The following FAM168A variants were observed in gnomAD, a reference collection of about 807,000 sequenced individuals.
The protein encoded by FAM168A is family with sequence similarity 168 member A, also known as protein FAM168A.
In FAM168A, 3 loss-of-function variants were observed where a neutral mutation model predicts 28.5. The observed-to-expected ratio is 0.11, with a 90% confidence interval of 0.05 to 0.27. FAM168A has a LOEUF of 0.27. Among genes scored for constraint, FAM168A ranks in the 10% least tolerant of loss-of-function variants. FAM168A has a pLI of 1.00. For missense variants in FAM168A, 222 were observed against 311.5 expected (o/e 0.71, Z 2.16); for synonymous variants, 122 against 124.2 (o/e 0.98, Z 0.12).
intron 1 of FAM168A, among the ~76,000 whole-genome samples, chr11:73,585,990 T>C (rs1944309872): frequency 6.6e-6 from 1 of 152,062 alleles, no homozygotes; most frequent in African/African-American, 2.4e-5. Flanking sequence ...ACATGCACAT[T>C]AGCTCAGAGT....
chr11:73,409,420 G>C, intron 6 of FAM168A, 67 bp downstream of exon 6: 4 of 1,593,254 alleles, frequency 2.5e-6, no homozygotes, highest in East Asian at 2.2e-5. Flanking sequence ...TTCTATGACT[G>C]TGTTCTCTGC....
intron 2 of FAM168A, among the ~76,000 whole-genome samples, chr11:73,439,342 G>A (rs1324998862): frequency 6.6e-6 from 1 of 152,190 alleles, no homozygotes; most frequent in Non-Finnish European, 1.5e-5. Context: ...TGCGCTCTGA[G>A]TTGTGCTGCA....
intron 1 of FAM168A, among the ~76,000 whole-genome samples, chr11:73,579,403 C>T (rs1486827438): frequency 6.6e-6 from 1 of 152,122 alleles, no homozygotes. Context: ...GCCATTAATT[C>T]TCCACCTAAT....
chr11:73,583,485 T>C (rs1012511928), intron 1 of FAM168A, among the ~76,000 whole-genome samples: 3 of 152,286 alleles, frequency 2.0e-5, no homozygotes, highest in Admixed American at 1.3e-4. Flanking sequence ...GATGATCAGA[T>C]ACAACTCCTG....
Position 73,513,205 on chromosome 11 carries a change from A to ATTT in FAM168A, c.-18-44716_-18-44714dup, listed in dbSNP as rs1046600591. 7.8e-4 allele frequency among the ~76,000 whole-genome samples: 85 copies of ATTT among 109,340 alleles called. 1 individual carries two copies. The highest frequency in any genetic ancestry group is 1.9e-3 in the African/African-American group (49 of 26,008). 71.7% of individuals were successfully genotyped at this position (109,340 alleles called of 152,430 possible). A position where few individuals can be genotyped will look rare whatever the true frequency, so the allele number is the denominator to read the frequency against. ...GGTCAAAGTTTTGTTTTTTTTTTTA[A>ATTT]TTTTTTTTTTTTTTTTTTTTTTGAG... is the stretch of plus-strand genomic sequence containing the variant. On this transcript the variant is annotated intron_variant, in intron 1 of 7. Transcript: ENST00000356467.
At chr11:73,593,998 T>C (rs947216726) in intron 1 of FAM168A, among the ~76,000 whole-genome samples, 1 of 152,214 alleles carries the variant, frequency 6.6e-6, no homozygotes, top group Non-Finnish European at 1.5e-5. Flanking sequence ...CCCTGGCACT[T>C]AGCAGACATT....
intron 2 of FAM168A, chr11:73,452,150 G>GC (rs1292231714): frequency 6.6e-6 from 1 of 152,222 alleles, no homozygotes; most frequent in Non-Finnish European, 1.5e-5. Context: ...TAGCTCTCTG[G>GC]CCACACCCAC....
At chr11:73,544,948 T>TATTATATATAATATAA (rs1943716890) in intron 1 of FAM168A, among the ~76,000 whole-genome samples, 1 of 92,236 alleles carries the variant, frequency 1.1e-5, no homozygotes. Context: ...ATGTAATATA[T>TATTATATATAATATAA]AATATATTAT....
At chr11:73,408,122 C>T (rs567424445) in intron 6 of FAM168A, among the ~76,000 whole-genome samples, 9 of 152,292 alleles carry the variant, frequency 5.9e-5, no homozygotes, top group African/African-American at 1.4e-4. Context: ...CCGCCCACCT[C>T]GGCCTCCCAA....
chr11:73,430,338 G>A (rs1230087476), intron 3 of FAM168A: 2 of 298,654 alleles, frequency 6.7e-6, no homozygotes, highest in African/African-American at 4.5e-5. Flanking sequence ...GTGTCCCAAG[G>A]TGTGTGTGTG....
chr11:73,554,956 T>C lies in FAM168A; in HGVS notation c.-19+42967A>G, dbSNP rs115639924. Among the ~76,000 whole-genome samples, 204 of 152,254 alleles carry C rather than the reference T, an allele frequency of 1.3e-3. 1 individual carries two copies. The highest frequency in any genetic ancestry group is 4.6e-3 in the African/African-American group (193 of 41,552). On this transcript the variant is annotated intron_variant, in intron 1 of 7. Transcript: ENST00000356467. ...ATCATGGAACCTGTCAATTACCATA[T>C]AGCGTGACAAAGGCCATGGAAGGAA...
At chr11:73,506,288 T>C (rs1855113545) in intron 1 of FAM168A, among the ~76,000 whole-genome samples, 1 of 152,040 alleles carries the variant, frequency 6.6e-6, no homozygotes, top group African/African-American at 2.4e-5. Context: ...TTCAACCTAC[T>C]GAATCTGATC....
At chr11:73,491,502 A>T (rs527892533) in intron 1 of FAM168A, among the ~76,000 whole-genome samples, 2 of 152,336 alleles carry the variant, frequency 1.3e-5, no homozygotes, top group East Asian at 3.9e-4. Flanking sequence ...ATAATTATTG[A>T]GGTATTTATT....
At position 73,401,324 on chromosome 11, in the gene FAM168A, C is replaced by A. The variant is rs1056965575; in HGVS notation, c.*5439G>T. 6.6e-6 allele frequency: 1 copy of A among 152,140 alleles called. No individual in the cohort carries two copies. The highest frequency in any genetic ancestry group is 1.5e-5 in the Non-Finnish European group (1 of 68,026). The allele number at this position is 152,140 out of a possible 1,614,324, so 9.4% of individuals were successfully genotyped here. On this transcript the variant is annotated 3_prime_UTR_variant, in exon 8 of 8. Transcript: ENST00000356467. ...TCAGGATGGGGACAGGCCCTTGGGC[C>A]TTTCAAGATTATTACAGACAACTCC... is the stretch of plus-strand genomic sequence containing the variant.
At chr11:73,439,975 T>C (rs1272451018) in intron 2 of FAM168A, among the ~76,000 whole-genome samples, 1 of 142,210 alleles carries the variant, frequency 7.0e-6, no homozygotes, top group Non-Finnish European at 1.5e-5. Context: ...AACCTCTGCC[T>C]CCCAGGTTCA....
intron 1 of FAM168A, among the ~76,000 whole-genome samples, chr11:73,493,950 T>A (rs1037404230): frequency 6.6e-6 from 1 of 152,170 alleles, no homozygotes; most frequent in Admixed American, 6.5e-5. Flanking sequence ...GACAGTGCCA[T>A]TCTAGAAACA....
At chr11:73,592,149 G>C (rs955664528) in intron 1 of FAM168A, among the ~76,000 whole-genome samples, 1 of 152,080 alleles carries the variant, frequency 6.6e-6, no homozygotes, top group South Asian at 2.1e-4. Context: ...TATCATCTCA[G>C]GGTTCCTTCA....
intron 3 of FAM168A, among the ~76,000 whole-genome samples, chr11:73,428,265 C>G (rs1590766326): frequency 6.6e-6 from 1 of 152,326 alleles, no homozygotes; most frequent in South Asian, 2.1e-4. Flanking sequence ...TCTCCACTTG[C>G]ACCTTCCTAT....
intron 1 of FAM168A, among the ~76,000 whole-genome samples, chr11:73,496,873 T>TCACACACA (rs71065011): frequency 0.022 from 3,113 of 140,156 alleles, 127 homozygotes; most frequent in African/African-American, 0.08. Flanking sequence ...TATGTTCTTA[T>TCACACACA]CACACACACA....
Sources: allele counts gnomAD v4.1 joint callset (sites outside exome capture counted in the v4.1 genomes callset), GRCh38; gene constraint gnomAD v4.1.1; transcripts MANE v1.5; gene names NCBI Gene and HGNC (gene_info 2026-07-23, HGNC 2026-07-21).